The following MUSK variants were observed in gnomAD, a reference collection of about 807,000 sequenced individuals.
The protein encoded by MUSK is muscle, skeletal receptor tyrosine-protein kinase.
A neutral mutation model predicts 88.7 loss-of-function variants in MUSK; 55 were observed. The ratio of observed to expected loss-of-function variants is 0.62; its 90% CI spans 0.50 to 0.78. MUSK has a LOEUF of 0.78. Ranked by LOEUF, MUSK falls within the 30% of genes least tolerant of loss-of-function variation. The probability of loss-of-function intolerance (pLI) is 0.00; values close to 1 mark genes in which losing one functional copy is unlikely to be tolerated. For synonymous variants in MUSK, 387 were observed against 391.9 expected, an observed-to-expected ratio of 0.99 and a Z score of 0.15; for missense variants, 1,015 against 1,074.3, an observed-to-expected ratio of 0.94 and a Z score of 0.77.
intron 5 of MUSK, among the ~76,000 whole-genome samples, chr9:110,719,488 C>T (rs1344044103): frequency 6.6e-6 from 1 of 151,930 alleles, no homozygotes; most frequent in East Asian, 1.9e-4. Context: ...TTAAGAAAGA[C>T]AAAGAGGGAG....
chr9:110,771,258 T>C (rs1019069864), intron 9 of MUSK, among the ~76,000 whole-genome samples: 73 of 150,802 alleles, frequency 4.8e-4, no homozygotes, highest in African/African-American at 1.7e-3. Flanking sequence ...CACCAGGTAT[T>C]TTTGTATTTT....
chr9:110,747,905 TTTCAG>T (rs2077196292), intron 7 of MUSK, 105 bp downstream of exon 7: 6 of 1,426,038 alleles, frequency 4.2e-6, no homozygotes, highest in African/African-American at 1.4e-5. Context: ...TTATCTCTTA[TTTCAG>T]TTGCATTTGG....
intron 5 of MUSK, among the ~76,000 whole-genome samples, chr9:110,717,017 C>A (rs1229809146): frequency 6.7e-6 from 1 of 149,752 alleles, no homozygotes; most frequent in African/African-American, 2.5e-5. Flanking sequence ...CCAACCTCCC[C>A]ACAATCTTGT....
In MUSK at chr9:110,806,157, A is replaced by G. The variant is rs2078159483; in HGVS notation, c.*5169A>G. 1.3e-5 allele frequency among the ~76,000 whole-genome samples: 2 copies of G among 152,152 alleles called. No individual in the cohort carries two copies. Among genetic ancestry groups the G allele is most frequent in the East Asian group, 3.9e-4 (2 of 5,188 alleles). On this transcript the variant is annotated 3_prime_UTR_variant, in exon 15 of 15. Transcript: ENST00000374448. ...GGTGATTACCAGTGCAATTCTAACA[A>G]ATAGGTTTGCATTTCTCTTTCTGAA...
intron 1 of MUSK, among the ~76,000 whole-genome samples, chr9:110,677,439 T>C (rs543074219): frequency 1.3e-5 from 2 of 152,340 alleles, no homozygotes; most frequent in Non-Finnish European, 2.9e-5. Context: ...TCTCCCTCTT[T>C]TGTGAAACGT....
At chr9:110,742,759 A>C (rs1329028875) in intron 6 of MUSK, among the ~76,000 whole-genome samples, 1 of 152,246 alleles carries the variant, frequency 6.6e-6, no homozygotes, top group Non-Finnish European at 1.5e-5. Flanking sequence ...TAAAACAGGA[A>C]TAAAACAAAC....
At position 110,673,412 on chromosome 9, in the gene MUSK, T is replaced by C. The variant is rs2075986336; in HGVS notation, c.79+4429T>C. Among the ~76,000 whole-genome samples, 6 of 152,308 alleles carry C rather than the reference T, an allele frequency of 3.9e-5. No homozygotes were observed. The South Asian group carries it at 1.0e-3, about 26-fold the overall frequency. The stretch of plus-strand genomic sequence containing the variant: ...AAATATTAATAGTATCTACCTTTTT[T>C]GTGTTAAATAAAAAGATAATGAATA... On this transcript the variant is annotated intron_variant, in intron 1 of 14. Coordinates refer to ENST00000374448, the MANE Select transcript of MUSK (RefSeq NM_005592.4).
chr9:110,774,866 T>A (rs62571378), intron 9 of MUSK, among the ~76,000 whole-genome samples: 2 of 138,944 alleles, frequency 1.4e-5, no homozygotes, highest in Non-Finnish European at 3.0e-5. Context: ...GGCATATATA[T>A]ACACACACAC....
chr9:110,755,421 T>C (rs963103276), intron 7 of MUSK, among the ~76,000 whole-genome samples: 6 of 152,180 alleles, frequency 3.9e-5, no homozygotes, highest in Non-Finnish European at 7.3e-5. Flanking sequence ...GTGTAACCAG[T>C]GTATTGAACA....
intron 14 of MUSK, among the ~76,000 whole-genome samples, chr9:110,798,337 G>T (rs1266711819): frequency 6.6e-6 from 1 of 152,106 alleles, no homozygotes; most frequent in African/African-American, 2.4e-5. Flanking sequence ...AATCCTAGTG[G>T]ATAATGGTTT....
rs200787064 is a variant in MUSK, at chr9:110,785,633, T to G, written c.1693T>G (p.Leu565Val). The change falls in exon 13 of 15, where the codon TTG becomes GTG. Residue 565 changes from leucine to valine, a missense_variant. Coordinates refer to ENST00000374448, the MANE Select transcript of MUSK (RefSeq NM_005592.4). ...QRMPLLLNPK[L>V]LSLEYPRNNI... Reference sequence around the variant, plus strand: ...GATGCCGCTCCTTCTGAACCCCAAATTGCTCAGCCTGGAGTATCCAAGGAA... The same window carrying G: ...GATGCCGCTCCTTCTGAACCCCAAAGTGCTCAGCCTGGAGTATCCAAGGAA... The G allele has an allele frequency of 1.4e-5, 23 of 1,613,188 alleles. No homozygotes were observed. The highest frequency in any genetic ancestry group is 1.8e-5 in the Non-Finnish European group (21 of 1,179,622).
rs571824408 is a variant in MUSK at position 110,689,048 on chromosome 9, A to C, written c.358+1780A>C. Among the ~76,000 whole-genome samples the C allele has an allele frequency of 9.1e-4, 129 of 141,020 alleles. 3 individuals are homozygous for C. In the South Asian group the frequency reaches 0.022, roughly 24 times the overall value. The allele number at this position is 141,020 out of a possible 152,430, so 92.5% of individuals were successfully genotyped here. On this transcript the variant is annotated intron_variant, in intron 3 of 14. Transcript: ENST00000374448. ...TAAATACGTATAACTATATATTTAA[A>C]TATATAAATATATAGCTATAGTTAT...
intron 7 of MUSK, among the ~76,000 whole-genome samples, chr9:110,755,980 A>G (rs1203362499): frequency 0.15 from 5,261 of 34,582 alleles, 368 homozygotes; most frequent in African/African-American, 0.34. Context: ...ATATATATAC[A>G]TATATATATA....
chr9:110,766,072 G>A (rs544048603), intron 8 of MUSK, among the ~76,000 whole-genome samples: 1 of 152,268 alleles, frequency 6.6e-6, no homozygotes, highest in East Asian at 1.9e-4. Flanking sequence ...TGGAATGAGG[G>A]TCTGAATTTC....
chr9:110,738,030 T>C (rs1051498660), intron 6 of MUSK, among the ~76,000 whole-genome samples: 1 of 152,150 alleles, frequency 6.6e-6, no homozygotes, highest in African/African-American at 2.4e-5. Flanking sequence ...TGGCTCCTGC[T>C]TACAGCCCCT....
intron 5 of MUSK, among the ~76,000 whole-genome samples, chr9:110,731,116 C>A (rs777539057): frequency 3.9e-5 from 6 of 152,066 alleles, no homozygotes; most frequent in Non-Finnish European, 8.8e-5. Context: ...GTTCACTCAG[C>A]AAATATTCAT....
intron 5 of MUSK, among the ~76,000 whole-genome samples, chr9:110,719,528 C>T (rs1320109894): frequency 6.6e-6 from 1 of 152,002 alleles, no homozygotes; most frequent in Non-Finnish European, 1.5e-5. Context: ...ACTAGTTCAA[C>T]AGGAAAATAT....
At chr9:110,747,263 G>C (rs75347688) in intron 6 of MUSK, among the ~76,000 whole-genome samples, 1 of 152,192 alleles carries the variant, frequency 6.6e-6, no homozygotes, top group Non-Finnish European at 1.5e-5. Context: ...TTCCCACCTG[G>C]GGCAGAGGGG....
intron 5 of MUSK, among the ~76,000 whole-genome samples, chr9:110,699,461 T>C (rs1266775307): frequency 6.6e-6 from 1 of 152,188 alleles, no homozygotes; most frequent in Non-Finnish European, 1.5e-5. Context: ...TCTACTATAC[T>C]TATTATGATT....
Sources: allele counts gnomAD v4.1 joint callset (sites outside exome capture counted in the v4.1 genomes callset), GRCh38; gene constraint gnomAD v4.1.1; transcripts MANE v1.5; gene names NCBI Gene and HGNC (gene_info 2026-07-23, HGNC 2026-07-21).